TTC12: variants seen among roughly 807,000 people sequenced by gnomAD.
TTC12 encodes tetratricopeptide repeat domain 12.
Under a neutral mutation model 90.1 loss-of-function variants are expected in TTC12, and 70 were observed. The observed-to-expected ratio is 0.78, with a 90% confidence interval of 0.64 to 0.95. The LOEUF (loss-of-function observed/expected upper bound fraction) is 0.95. Among genes scored for constraint, TTC12 ranks in the 40% least tolerant of loss-of-function variants. The pLI, the probability that TTC12 is intolerant of heterozygous loss-of-function variation, is 0.00. For synonymous variants in TTC12, 296 were observed against 311.5 expected (o/e 0.95, Z 0.53); for missense variants, 819 against 846.1 (o/e 0.97, Z 0.40).
At chr11:113,358,016 G>C (rs1368846187) in intron 16 of TTC12, among the ~76,000 whole-genome samples, 1 of 152,236 alleles carries the variant, frequency 6.6e-6, no homozygotes, top group Non-Finnish European at 1.5e-5. Flanking sequence ...AGCTGGGGGA[G>C]AGGGTCCCTG....
chr11:113,325,890 C>G (rs1947660698), intron 6 of TTC12, among the ~76,000 whole-genome samples: 1 of 152,164 alleles, frequency 6.6e-6, no homozygotes, highest in African/African-American at 2.4e-5. Context: ...ATTATCAGCT[C>G]TCTCCATAGT....
intron 21 of TTC12, chr11:113,371,462 G>A (rs918354834): frequency 6.6e-5 from 10 of 152,114 alleles, no homozygotes; most frequent in Non-Finnish European, 1.0e-4. Context: ...TTTGGAACCC[G>A]AGGGTACAGA....
At chr11:113,355,848 C>T (rs575006563) in intron 16 of TTC12, among the ~76,000 whole-genome samples, 2 of 152,202 alleles carry the variant, frequency 1.3e-5, no homozygotes, top group South Asian at 4.1e-4. Context: ...TTGCTAAGGA[C>T]TATTTTACTT....
downstream of TTC12, among the ~76,000 whole-genome samples, chr11:113,370,502 G>A (rs1378487370): frequency 6.6e-6 from 1 of 152,210 alleles, no homozygotes; most frequent in African/African-American, 2.4e-5. Flanking sequence ...TGAAGCTGCT[G>A]GATGACTTAT....
At chr11:113,367,845 G>A (rs1428678459), downstream of TTC12, among the ~76,000 whole-genome samples, 3 of 118,696 alleles carry the variant, frequency 2.5e-5, no homozygotes. Context: ...GCAAGTGACA[G>A]GCCACTAGCC....
At chr11:113,366,481 T>C, downstream of TTC12, 3 of 1,078,808 alleles carry the variant, frequency 2.8e-6, no homozygotes, top group Middle Eastern at 2.8e-4. Context: ...TGTGGTGGGC[T>C]CTGTGCACTG....
At chr11:113,352,506 A>G (rs182105230) in intron 16 of TTC12, among the ~76,000 whole-genome samples, 3 of 152,174 alleles carry the variant, frequency 2.0e-5, no homozygotes, top group Admixed American at 2.0e-4. Context: ...GGTTTCTTAT[A>G]TAAGTAAACT....
At chr11:113,326,150 C>T (rs568493571) in intron 6 of TTC12, among the ~76,000 whole-genome samples, 2 of 152,254 alleles carry the variant, frequency 1.3e-5, no homozygotes, top group African/African-American at 4.8e-5. Context: ...GTCCTGGAGC[C>T]AATTTCTTGG....
At chr11:113,353,436 T>C (rs1949426963) in intron 16 of TTC12, among the ~76,000 whole-genome samples, 1 of 152,230 alleles carries the variant, frequency 6.6e-6, no homozygotes, top group Non-Finnish European at 1.5e-5. Context: ...ACTCTGTTGA[T>C]AATTTCCTTT....
intron 8 of TTC12, among the ~76,000 whole-genome samples, chr11:113,337,023 T>A (rs1268485723): frequency 6.6e-6 from 1 of 152,232 alleles, no homozygotes; most frequent in Non-Finnish European, 1.5e-5. Context: ...TTAAAATAAA[T>A]TGCTTCATAT....
intron 6 of TTC12, among the ~76,000 whole-genome samples, chr11:113,328,246 G>T (rs1056399140): frequency 6.6e-6 from 1 of 152,194 alleles, no homozygotes; most frequent in Non-Finnish European, 1.5e-5. Context: ...GAAGAAGAGT[G>T]CTTCAGAGTT....
chr11:113,335,041 A>G lies in TTC12; in HGVS notation c.576+4A>G. ...GGCCCTGAAGAACTACAGTGTGGTA[A>G]GTTCTTAGAGGAATGTAATTGACAT... On this transcript the variant is annotated splice_donor_region_variant and intron_variant, in intron 8 of 21. Transcript: ENST00000529221. 1.2e-6 allele frequency: 2 copies of G among 1,608,170 alleles called. No homozygotes were observed. The highest frequency in any genetic ancestry group is 1.7e-6 in the Non-Finnish European group (2 of 1,174,610).
chr11:113,368,209 C>T (rs200223601), downstream of TTC12: 78 of 1,492,558 alleles, frequency 5.2e-5, no homozygotes, highest in East Asian at 2.0e-3. Flanking sequence ...GAGCAGTCAT[C>T]TCCAATTTGG....
intron 6 of TTC12, among the ~76,000 whole-genome samples, chr11:113,326,177 A>G (rs1166780388): frequency 6.6e-6 from 1 of 152,140 alleles, no homozygotes; most frequent in Non-Finnish European, 1.5e-5. Flanking sequence ...TGGGTTTCTG[A>G]AGGTTTTTAT....
chr11:113,368,643 C>T (rs1287002391), downstream of TTC12: 16 of 768,446 alleles, frequency 2.1e-5, no homozygotes, highest in Non-Finnish European at 2.9e-5. Flanking sequence ...TCCAGTGCGC[C>T]GCAAGGTGGG....
intron 13 of TTC12, among the ~76,000 whole-genome samples, chr11:113,346,321 G>C (rs1454737736): frequency 6.6e-6 from 1 of 152,078 alleles, no homozygotes; most frequent in African/African-American, 2.4e-5. Context: ...GATGACACGG[G>C]GGGTGATGCA....
chr11:113,343,830 T>C (rs1948805243), intron 12 of TTC12, among the ~76,000 whole-genome samples: 1 of 152,206 alleles, frequency 6.6e-6, no homozygotes, highest in South Asian at 2.1e-4. Flanking sequence ...TTTCCTCAGA[T>C]GACTACTCTA....
rs74584873 is a variant in TTC12 at position 113,322,888 on chromosome 11, G to A, written c.59-400G>A. 7.9e-3 allele frequency among the ~76,000 whole-genome samples: 1,206 copies of A among 152,172 alleles called. 13 individuals carry two copies. Among genetic ancestry groups the A allele is most frequent in the Middle Eastern group, 0.024 (7 of 294 alleles). On this transcript the variant is annotated intron_variant, in intron 2 of 21. Coordinates refer to ENST00000529221, the MANE Select transcript of TTC12 (RefSeq NM_017868.4). The stretch of plus-strand genomic sequence containing the variant: ...ATAGGGTTAAGGGCTGCTGTTTTGC[G>A]ATTTTGAGCTGCCTGTACTTACATG...
At chr11:113,361,656 A>C (rs1477530545) in intron 18 of TTC12, among the ~76,000 whole-genome samples, 1 of 152,212 alleles carries the variant, frequency 6.6e-6, no homozygotes, top group Admixed American at 6.5e-5. Flanking sequence ...TCTTTCTAGT[A>C]TACGGGGGTG....
Sources: gnomAD v4.1 joint callset for allele counts (sites outside exome capture counted in the v4.1 genomes callset) on GRCh38, gnomAD v4.1.1 for gene constraint, MANE v1.5 for transcripts, NCBI Gene and HGNC (gene_info 2026-07-23, HGNC 2026-07-21) for gene names.